Variants in DIAPH2 observed in about 807,000 individuals in gnomAD.
DIAPH2 encodes the protein protein diaphanous homolog 2.
Under a neutral mutation model 92.7 loss-of-function variants are expected in DIAPH2, and 35 were observed. The ratio of observed to expected loss-of-function variants is 0.38; its 90% CI spans 0.29 to 0.50. DIAPH2 has a LOEUF of 0.50. Among genes scored for constraint, DIAPH2 ranks in the 20% least tolerant of loss-of-function variants. The probability of loss-of-function intolerance (pLI) is 0.94; values close to 1 mark genes in which losing one functional copy is unlikely to be tolerated. For synonymous variants in DIAPH2, 301 were observed against 280.4 expected (o/e 1.07, Z -0.73); for missense variants, 701 against 819.5 (o/e 0.86, Z 1.77).
chrX:97,590,406 A>G (rs1346948778), intron 26 of DIAPH2, among the ~76,000 whole-genome samples: 1 of 112,277 alleles, frequency 8.9e-6, no homozygotes, highest in East Asian at 2.8e-4. Flanking sequence ...AGAGTGATTC[A>G]GAAACAAAGG....
intron 23 of DIAPH2, among the ~76,000 whole-genome samples, chrX:97,274,097 C>T (rs932490457): frequency 1.9e-5 from 2 of 102,941 alleles, no homozygotes; most frequent in African/African-American, 7.0e-5. Context: ...TTTTTCCTAT[C>T]TCTAAAGTGC....
intron 23 of DIAPH2, among the ~76,000 whole-genome samples, chrX:97,288,955 TA>T (rs1271020857): frequency 9.0e-6 from 1 of 111,474 alleles, no homozygotes; most frequent in Non-Finnish European, 1.9e-5. Context: ...CTTAGTTAAC[TA>T]ATGTTTTAAT....
At chrX:96,934,073 A>G (rs1013819590) in intron 10 of DIAPH2, among the ~76,000 whole-genome samples, 5 of 111,276 alleles carry the variant, frequency 4.5e-5, no homozygotes, top group Non-Finnish European at 9.4e-5. Context: ...TGAGAAGATT[A>G]GCGATCATAT....
intron 3 of DIAPH2, among the ~76,000 whole-genome samples, chrX:96,739,666 T>A (rs762707553): frequency 8.0e-5 from 9 of 112,084 alleles, no homozygotes; most frequent in Non-Finnish European, 1.5e-4. Context: ...TTGGTAGCTG[T>A]TGAATGAATC....
intron 20 of DIAPH2, among the ~76,000 whole-genome samples, chrX:97,100,571 A>G (rs5966971): frequency 0.043 from 4,859 of 111,780 alleles, 244 homozygotes; most frequent in African/African-American, 0.14. Context: ...GCTATTTTTT[A>G]CTTAGGTGGT....
intron 24 of DIAPH2, among the ~76,000 whole-genome samples, chrX:97,359,403 C>T (rs968835710): frequency 9.1e-6 from 1 of 109,357 alleles, no homozygotes; most frequent in Admixed American, 9.9e-5. Context: ...AGCAATGTTA[C>T]GATTTAAAAT....
At chrX:97,076,982 A>G (rs756867870) in intron 19 of DIAPH2, among the ~76,000 whole-genome samples, 103 of 111,592 alleles carry the variant, frequency 9.2e-4, no homozygotes, top group Non-Finnish European at 1.6e-3. Flanking sequence ...TTTCTTCTCA[A>G]TCCTTACCCT....
At chrX:96,984,731 C>T (rs1003717077) in intron 17 of DIAPH2, among the ~76,000 whole-genome samples, 1 of 111,181 alleles carries the variant, frequency 9.0e-6, no homozygotes, top group African/African-American at 3.3e-5. Context: ...TCTGCACGTT[C>T]CTTAGCCGCT....
intron 17 of DIAPH2, among the ~76,000 whole-genome samples, chrX:97,036,750 G>A (rs746946668): frequency 8.9e-6 from 1 of 111,956 alleles, no homozygotes; most frequent in Admixed American, 9.4e-5. Context: ...AGAGTCGATT[G>A]ACAAAAGATG....
At chrX:96,752,734 T>C (rs1203984993) in intron 3 of DIAPH2, among the ~76,000 whole-genome samples, 1 of 111,704 alleles carries the variant, frequency 9.0e-6, no homozygotes, top group Non-Finnish European at 1.9e-5. Flanking sequence ...AAATAATGAG[T>C]GTGTAACAAC....
chrX:97,304,649 G>C (rs1180650825), intron 23 of DIAPH2, among the ~76,000 whole-genome samples: 2 of 112,160 alleles, frequency 1.8e-5, no homozygotes, highest in African/African-American at 6.5e-5. Context: ...ATTTTGATGG[G>C]TTTGTTGATA....
At chrX:96,837,345 T>A (rs1186586554) in intron 4 of DIAPH2, among the ~76,000 whole-genome samples, 1 of 103,635 alleles carries the variant, frequency 9.6e-6, no homozygotes, top group Non-Finnish European at 2.0e-5. Flanking sequence ...ATAAGTGGCT[T>A]TCTCTCTCTC....
rs1490463633 is a variant in DIAPH2, at chrX:97,601,399, CTT to C, written c.*2083_*2084del. ...ACGAATGAAGTACTATTATTGATAA[CTT>C]ATATATTTTTATTTAGAGCAATCCC... On this transcript the variant is annotated 3_prime_UTR_variant, in exon 27 of 27. Coordinates refer to ENST00000324765, the MANE Select transcript of DIAPH2 (RefSeq NM_006729.5). The C allele has an allele frequency of 1.5e-4, 17 of 109,976 alleles. No homozygotes were observed. Among genetic ancestry groups the C allele is most frequent in the Non-Finnish European group, 7.6e-5 (4 of 52,576 alleles). 9.1% of individuals were successfully genotyped at this position (109,976 alleles called of 1,213,427 possible). A position where few individuals can be genotyped will look rare whatever the true frequency, so the allele number is the denominator to read the frequency against.
In DIAPH2 at chrX:96,813,038, T is replaced by C. The variant is rs759717757; in HGVS notation, c.447+54780T>C. 1.7e-4 allele frequency among the ~76,000 whole-genome samples: 19 copies of C among 111,778 alleles called. No homozygotes were observed. In the East Asian group the frequency reaches 4.8e-3, roughly 28 times the overall value. On this transcript the variant is annotated intron_variant, in intron 4 of 26. Transcript: ENST00000324765. ...GAGTTCTGTAGATGTCTATTAGGTCTGCTTGGTGCAGAGCTGAGTTTAAGT... is the reference window on the plus strand; with the variant it reads ...GAGTTCTGTAGATGTCTATTAGGTCCGCTTGGTGCAGAGCTGAGTTTAAGT...
rs763142676 is a variant in DIAPH2, at chrX:97,599,819, A to G, written c.*502A>G. On this transcript the variant is annotated 3_prime_UTR_variant, in exon 27 of 27. Transcript: ENST00000324765. ...AGGCTAATATTATGCACACTGTAAG[A>G]GAAGCCATTTTGGAAATTCACGAAA... The G allele has an allele frequency of 6.2e-5, 7 of 112,605 alleles. No homozygotes were observed. The East Asian group carries it at 8.4e-4, about 13-fold the overall frequency. The allele number at this position is 112,605 out of a possible 1,213,427, so 9.3% of individuals were successfully genotyped here.
At chrX:97,320,576 G>T (rs978083971) in intron 23 of DIAPH2, among the ~76,000 whole-genome samples, 1 of 110,149 alleles carries the variant, frequency 9.1e-6, no homozygotes, top group Admixed American at 9.8e-5. Flanking sequence ...TTACCCACAC[G>T]TGGTGGCGGG....
At chrX:97,535,857 G>T (rs937837882) in intron 26 of DIAPH2, among the ~76,000 whole-genome samples, 8 of 112,224 alleles carry the variant, frequency 7.1e-5, no homozygotes. Context: ...ACTGATTATT[G>T]TTTCAAGTAC....
intron 1 of DIAPH2, among the ~76,000 whole-genome samples, chrX:96,686,784 G>T (rs775033775): frequency 8.9e-6 from 1 of 112,232 alleles, no homozygotes; most frequent in East Asian, 2.8e-4. Flanking sequence ...CAAACAGTAA[G>T]ATTTAGTAAG....
At chrX:97,537,257 A>C (rs1280786083) in intron 26 of DIAPH2, among the ~76,000 whole-genome samples, 1 of 111,693 alleles carries the variant, frequency 9.0e-6, no homozygotes, top group African/African-American at 3.3e-5. Flanking sequence ...CTAGAGTGAG[A>C]AGTCAGATCC....
Sources: allele counts gnomAD v4.1 joint callset (sites outside exome capture counted in the v4.1 genomes callset), GRCh38; gene constraint gnomAD v4.1.1; transcripts MANE v1.5; gene names NCBI Gene and HGNC (gene_info 2026-07-23, HGNC 2026-07-21).